Variants in SRFBP1 observed in about 807,000 individuals in gnomAD.
SRFBP1 encodes the protein serum response factor-binding protein 1.
In SRFBP1, 47 loss-of-function variants were observed where a neutral mutation model predicts 45.5. The observed-to-expected ratio is 1.03, with a 90% confidence interval of 0.82 to 1.32. The LOEUF (loss-of-function observed/expected upper bound fraction) is 1.32, where lower values mean the gene tolerates loss of function less well. Among genes scored for constraint, SRFBP1 ranks in the 40% most tolerant of loss-of-function variants. The probability of loss-of-function intolerance (pLI) is 0.00; values close to 1 mark genes in which losing one functional copy is unlikely to be tolerated. For missense variants in SRFBP1, 621 were observed against 484.6 expected (o/e 1.28, Z -2.64); for synonymous variants, 203 against 166.3 (o/e 1.22, Z -1.70).
intron 2 of SRFBP1, chr5:122,065,849 C>T (rs1561414847): frequency 6.6e-6 from 1 of 151,940 alleles, no homozygotes; most frequent in Non-Finnish European, 1.5e-5. Context: ...TTGGCAAATA[C>T]TTTAATATGT....
chr5:122,025,744 TC>T (rs1428851870), intron 7 of SRFBP1, among the ~76,000 whole-genome samples: 1 of 152,184 alleles, frequency 6.6e-6, no homozygotes, highest in African/African-American at 2.4e-5. Flanking sequence ...GTAAATATTA[TC>T]CCAAACAGTG....
intron 3 of SRFBP1, among the ~76,000 whole-genome samples, chr5:121,977,279 A>C (rs563701659): frequency 4.6e-5 from 7 of 152,076 alleles, no homozygotes; most frequent in African/African-American, 1.7e-4. Context: ...TAAATTCATA[A>C]AATTCATAGT....
Position 121,962,076 on chromosome 5 carries a change from C to T in SRFBP1, c.36+8C>T. ...CTGAACCTCAATAACGAGGTGAGCG[C>T]CGAGGAACCTATGGGGCTGACTTTA... On this transcript the variant is annotated splice_region_variant and intron_variant, in intron 1 of 7. Transcript: ENST00000339397. 6.2e-7 allele frequency: 1 copy of T among 1,614,008 alleles called. No homozygotes were observed. The highest frequency in any genetic ancestry group is 1.3e-5 in the African/African-American group (1 of 75,018).
chr5:122,078,103 G>T, downstream of SRFBP1: 1 of 950,416 alleles, frequency 1.1e-6, no homozygotes, highest in Non-Finnish European at 1.4e-6. Flanking sequence ...AGCGGAGCAC[G>T]GGTATCTCAG....
At chr5:122,040,466 G>A (rs745339126) in intron 2 of SRFBP1, among the ~76,000 whole-genome samples, 1 of 152,144 alleles carries the variant, frequency 6.6e-6, no homozygotes, top group Admixed American at 6.5e-5. Context: ...AAATTAAAAG[G>A]ATGTTTTTCA....
chr5:122,004,763 CTT>C, intron 4 of SRFBP1, among the ~76,000 whole-genome samples: 1 of 152,126 alleles, frequency 6.6e-6, no homozygotes, highest in Admixed American at 6.5e-5. Context: ...TTTGAGATCT[CTT>C]TTGATGTATG....
intron 2 of SRFBP1, among the ~76,000 whole-genome samples, chr5:122,055,700 C>G (rs965716398): frequency 1.3e-5 from 2 of 152,000 alleles, no homozygotes; most frequent in African/African-American, 4.8e-5. Context: ...GATGATTTCT[C>G]AACATGAAAA....
intron 2 of SRFBP1, chr5:122,075,281 C>A: frequency 1.1e-6 from 1 of 875,522 alleles, no homozygotes; most frequent in South Asian, 2.2e-5. Context: ...GAGAAAAATT[C>A]TAAATATAAG....
intron 4 of SRFBP1, among the ~76,000 whole-genome samples, chr5:122,004,380 C>G (rs1255678700): frequency 6.6e-6 from 1 of 152,022 alleles, no homozygotes; most frequent in Non-Finnish European, 1.5e-5. Context: ...ATTGAACAGA[C>G]TGTCCTTTCC....
intron 3 of SRFBP1, among the ~76,000 whole-genome samples, chr5:121,979,345 C>G (rs1289283963): frequency 6.6e-6 from 1 of 151,880 alleles, no homozygotes; most frequent in Non-Finnish European, 1.5e-5. Context: ...TAAAAGTTAC[C>G]AAGTTTTTTC....
At chr5:121,962,099 T>A (rs184151151) in intron 1 of SRFBP1, 31 bp downstream of exon 1, 1 of 1,613,532 alleles carries the variant, frequency 6.2e-7, no homozygotes, top group East Asian at 2.2e-5. Context: ...GGGGCTGACT[T>A]TAAGGGTCCT....
chr5:121,985,788 C>G (rs1185245097), intron 3 of SRFBP1, among the ~76,000 whole-genome samples: 2 of 151,596 alleles, frequency 1.3e-5, no homozygotes, highest in Non-Finnish European at 2.9e-5. Flanking sequence ...GGTTCCTGAT[C>G]TTTTGTAATT....
downstream of SRFBP1, among the ~76,000 whole-genome samples, chr5:122,029,019 AT>A (rs770651020): frequency 6.6e-5 from 10 of 152,034 alleles, no homozygotes; most frequent in Non-Finnish European, 5.9e-5. Flanking sequence ...CTTTGTTAGA[AT>A]GGGTCTACAA....
intron 2 of SRFBP1, among the ~76,000 whole-genome samples, chr5:122,069,149 T>G (rs1199990663): frequency 6.6e-6 from 1 of 152,122 alleles, no homozygotes; most frequent in Non-Finnish European, 1.5e-5. Flanking sequence ...AAGTCCTGGG[T>G]TTTTGTATCA....
Position 122,027,105 on chromosome 5 carries a change from A to C in SRFBP1, c.1269A>C (p.Lys423Asn). 1 of 1,603,278 alleles carries C rather than the reference A, an allele frequency of 6.2e-7. No homozygotes were observed. Among genetic ancestry groups the C allele is most frequent in the Non-Finnish European group, 8.5e-7 (1 of 1,176,880 alleles). Residue 423 changes from lysine to asparagine, a missense_variant, in exon 8 of 8, where the codon AAA (lysine) becomes AAC (asparagine). Physicochemically the swap from Lys to Asn is moderately conservative, Grantham distance 94. Transcript: ENST00000339397. ...QQSNIAVFQGKKITFDD is the reference protein window; with the variant it reads ...QQSNIAVFQGNKITFDD The stretch of plus-strand genomic sequence containing the variant: ...CTAATATTGCTGTGTTTCAGGGGAA[A>C]AAAATTACGTTTGATGATTGATTAG...
At chr5:122,068,543 G>A (rs1754364741) in intron 2 of SRFBP1, among the ~76,000 whole-genome samples, 1 of 152,078 alleles carries the variant, frequency 6.6e-6, no homozygotes, top group Non-Finnish European at 1.5e-5. Flanking sequence ...CAAATTATTT[G>A]AGAAAGAAAT....
chr5:122,077,029 C>A, downstream of SRFBP1: 1 of 1,609,792 alleles, frequency 6.2e-7, no homozygotes. This position sits in a 1 kb window ranked among gnomAD's most constrained non-coding sequence, Gnocchi z 4.9. Context: ...ACGGGCGCAG[C>A]AGTGAAACAA....
chr5:122,014,774 A>C (rs1400719364), intron 4 of SRFBP1, among the ~76,000 whole-genome samples: 1 of 152,180 alleles, frequency 6.6e-6, no homozygotes, highest in East Asian at 1.9e-4. Context: ...TTTACCCCGG[A>C]GTCCACACTA....
At chr5:121,986,620 G>A (rs1037821068) in intron 3 of SRFBP1, among the ~76,000 whole-genome samples, 8 of 151,960 alleles carry the variant, frequency 5.3e-5, no homozygotes, top group African/African-American at 1.4e-4. Flanking sequence ...TTTAGCCAGT[G>A]GTAGCCCCTT....
Sources: allele counts gnomAD v4.1 joint callset (sites outside exome capture counted in the v4.1 genomes callset), GRCh38; gene constraint gnomAD v4.1.1; non-coding constraint Gnocchi (gnomAD v3.1); transcripts MANE v1.5; gene names NCBI Gene and HGNC (gene_info 2026-07-23, HGNC 2026-07-21).